SPINK14: variants seen among roughly 807,000 people sequenced by gnomAD.
SPINK14 encodes the protein serine protease inhibitor Kazal-type 14.
A neutral mutation model predicts 14.2 loss-of-function variants in SPINK14; 6 were observed. The ratio of observed to expected loss-of-function variants is 0.42; its 90% CI spans 0.23 to 0.83. The LOEUF is 0.83. Ranked by LOEUF, SPINK14 falls within the 40% of genes least tolerant of loss-of-function variation. The pLI, the probability that SPINK14 is intolerant of heterozygous loss-of-function variation, is 0.28. For missense variants in SPINK14, 86 were observed against 108.3 expected, an observed-to-expected ratio of 0.79 and a Z score of 0.91; for synonymous variants, 34 against 36.8, an observed-to-expected ratio of 0.92 and a Z score of 0.27.
chr5:148,168,779 G>C (rs1448524510), intron 1 of SPINK14, among the ~76,000 whole-genome samples: 1 of 152,088 alleles, frequency 6.6e-6, no homozygotes, highest in Non-Finnish European at 1.5e-5. Context: ...AGTGTACAAA[G>C]AACTTGCAAT....
chr5:148,169,155 T>C (rs534649551), intron 1 of SPINK14, among the ~76,000 whole-genome samples: 34 of 152,254 alleles, frequency 2.2e-4, no homozygotes, highest in African/African-American at 8.2e-4. Context: ...TCCCTGTGAA[T>C]GTCCTCAAAG....
intron 3 of SPINK14, among the ~76,000 whole-genome samples, chr5:148,172,614 G>T (rs746775046): frequency 6.6e-6 from 1 of 151,982 alleles, no homozygotes; most frequent in African/African-American, 2.4e-5. Context: ...CTCCTTTGGG[G>T]GTGTGGGATT....
chr5:148,171,907 T>C (rs1477734809), intron 3 of SPINK14, among the ~76,000 whole-genome samples: 2 of 152,126 alleles, frequency 1.3e-5, no homozygotes, highest in African/African-American at 4.8e-5. Context: ...TAAGTCTGCC[T>C]CATGCCCATA....
rs186955042 is a variant in SPINK14, at chr5:148,174,766, G to A, written c.248+396G>A. 3.3e-3 allele frequency among the ~76,000 whole-genome samples: 508 copies of A among 152,216 alleles called. 5 individuals are homozygous for A. The highest frequency in any genetic ancestry group is 0.011 in the African/African-American group (476 of 41,546). ...TGAAACTCTGAACTACAATGATGAT[G>A]TAATTGCAAAGTTTGGATCTTCTAG... is the stretch of plus-strand genomic sequence containing the variant. On this transcript the variant is annotated intron_variant, in intron 4 of 4. Coordinates refer to ENST00000356972, the MANE Select transcript of SPINK14 (RefSeq NM_001001325.2).
intron 3 of SPINK14, among the ~76,000 whole-genome samples, chr5:148,171,989 C>T (rs1017421286): frequency 1.1e-4 from 16 of 152,154 alleles, no homozygotes; most frequent in Non-Finnish European, 2.4e-4. Context: ...ATCACCTATG[C>T]TGTGCCCTAA....
At chr5:148,173,101 T>C (rs1334113931) in intron 3 of SPINK14, among the ~76,000 whole-genome samples, 1 of 149,658 alleles carries the variant, frequency 6.7e-6, no homozygotes. Context: ...GTAACGATGG[T>C]GGCCTGGCCA....
intron 3 of SPINK14, among the ~76,000 whole-genome samples, chr5:148,171,619 T>C (rs764390482): frequency 2.6e-5 from 4 of 152,186 alleles, no homozygotes; most frequent in Non-Finnish European, 4.4e-5. Flanking sequence ...TTTGCATCAC[T>C]GTATTCCTTC....
At chr5:148,173,447 T>C (rs1755132674) in intron 3 of SPINK14, among the ~76,000 whole-genome samples, 2 of 152,086 alleles carry the variant, frequency 1.3e-5, no homozygotes, top group Admixed American at 1.3e-4. Context: ...GTCTTAGTGA[T>C]CTTGCACTTT....
At chr5:148,169,321 T>G (rs1019702398) in intron 1 of SPINK14, among the ~76,000 whole-genome samples, 2 of 102,528 alleles carry the variant, frequency 2.0e-5, no homozygotes, top group African/African-American at 9.4e-5. Flanking sequence ...GGGACCTCAA[T>G]AGCCCCATCT....
chr5:148,174,755 A>G (rs927673694), intron 4 of SPINK14, among the ~76,000 whole-genome samples: 10 of 152,174 alleles, frequency 6.6e-5, no homozygotes, highest in Non-Finnish European at 1.5e-5. Flanking sequence ...ACTCTGAACT[A>G]CAATGATGAT....
intron 2 of SPINK14, among the ~76,000 whole-genome samples, chr5:148,170,392 T>C (rs1755089369): frequency 6.6e-6 from 1 of 151,990 alleles, no homozygotes; most frequent in Non-Finnish European, 1.5e-5. Flanking sequence ...CTGGAAAATT[T>C]AGAGTGTTTG....
rs1755141908 is a variant in SPINK14 at position 148,174,289 on chromosome 5, C to A, written c.167C>A (p.Pro56His). Reference protein sequence around the residue: ...NLSWYNGTVNPCPGLYQPICG... With the variant: ...NLSWYNGTVNHCPGLYQPICG... The stretch of plus-strand genomic sequence containing the variant: ...AGCTGGTACAATGGAACGGTCAACC[C>A]CTGCCCTGGCTTATATCAACCCATC... Residue 56 changes from proline to histidine, a missense_variant, in exon 4 of 5, where the codon CCC becomes CAC. By Grantham distance (77) the Pro-to-His change is moderately conservative. Transcript: ENST00000356972. 1.8e-6 allele frequency: 2 copies of A among 1,113,030 alleles called. 1 individual carries two copies. Among genetic ancestry groups the A allele is most frequent in the Admixed American group, 4.1e-5 (2 of 49,020 alleles). The allele number at this position is 1,113,030 out of a possible 1,614,324, so 68.9% of individuals were successfully genotyped here.
intron 2 of SPINK14, among the ~76,000 whole-genome samples, chr5:148,170,092 TAC>T (rs1262731359): frequency 3.8e-5 from 4 of 105,560 alleles, no homozygotes; most frequent in South Asian, 3.0e-4. Context: ...TACATATATA[TAC>T]ACACACATGT....
rs771023623 is a variant in SPINK14, at chr5:148,169,804, G to C, written c.67+5G>C. 1.1e-5 allele frequency: 17 copies of C among 1,607,864 alleles called. No homozygotes were observed. The South Asian group carries it at 1.7e-4, about 16-fold the overall frequency. On this transcript the variant is annotated splice_donor_5th_base_variant and intron_variant, in intron 2 of 4. Transcript: ENST00000356972. ...TACATTTGGTGTTATCTTCTGGTGA[G>C]TAATTTAGCTGGTCTTGGCCAGCAG...
intron 3 of SPINK14, among the ~76,000 whole-genome samples, chr5:148,173,164 A>T (rs1444101412): frequency 1.4e-5 from 2 of 148,120 alleles, no homozygotes; most frequent in Non-Finnish European, 3.1e-5. Context: ...AAGTTAAAAC[A>T]TGACCCCCTT....
chr5:148,174,319 G>A lies in SPINK14; in HGVS notation c.197G>A (p.Gly66Asp). The change falls in exon 4 of 5, where the codon GGC (glycine) becomes GAC (aspartate). Residue 66 changes from glycine to aspartate, a missense_variant. Transcript: ENST00000356972. ...CCTGGCTTATATCAACCCATCTGCG[G>A]CACCAATTTTATAACCTATGATAAT... ...PCPGLYQPIC[G>D]TNFITYDNPC... The A allele has an allele frequency of 1.8e-6, 2 of 1,114,012 alleles. 1 individual carries two copies. Among genetic ancestry groups the A allele is most frequent in the Non-Finnish European group, 2.5e-6 (2 of 810,862 alleles). 69.0% of individuals were successfully genotyped at this position (1,114,012 alleles called of 1,614,324 possible). A position where few individuals can be genotyped will look rare whatever the true frequency, so the allele number is the denominator to read the frequency against.
intron 1 of SPINK14, among the ~76,000 whole-genome samples, chr5:148,169,330 CT>C (rs5872064): frequency 0.59 from 89,663 of 151,414 alleles, 27,336 homozygotes; most frequent in African/African-American, 0.73. Context: ...ATAGCCCCAT[CT>C]TTTTTTTTGC....
chr5:148,169,747 C>T lies in SPINK14; in HGVS notation c.15C>T (p.Phe5=). 1 of 1,605,778 alleles carries T rather than the reference C, an allele frequency of 6.2e-7. No individual in the cohort carries two copies. Among genetic ancestry groups the T allele is most frequent in the Non-Finnish European group, 8.5e-7 (1 of 1,175,910 alleles). Residue 5 remains phenylalanine (F), a synonymous_variant, in exon 2 of 5, where the codon TTC becomes TTT. Coordinates refer to ENST00000356972, the MANE Select transcript of SPINK14 (RefSeq NM_001001325.2). Reference sequence around the variant, plus strand: ...CAGGAGGAAAAATGGCCAAATCTTTCCCAGTATTCTCACTTTTGTCCTTTA... The same window carrying T: ...CAGGAGGAAAAATGGCCAAATCTTTTCCAGTATTCTCACTTTTGTCCTTTA... MAKS[F]PVFSLLSFIL... is the part of the protein sequence containing the mutation.
intron 3 of SPINK14, among the ~76,000 whole-genome samples, chr5:148,173,308 T>C (rs576125400): frequency 6.6e-6 from 1 of 152,066 alleles, no homozygotes; most frequent in Non-Finnish European, 1.5e-5. Context: ...ACTACTTCAA[T>C]TCATCACCAG....
Sources: gnomAD v4.1 joint callset for allele counts (sites outside exome capture counted in the v4.1 genomes callset) on GRCh38, gnomAD v4.1.1 for gene constraint, MANE v1.5 for transcripts, NCBI Gene and HGNC (gene_info 2026-07-23, HGNC 2026-07-21) for gene names.